Variants in ANO5 observed in about 807,000 individuals in gnomAD.
ANO5 encodes the protein anoctamin-5.
ANO5 carries 109 observed loss-of-function variants against 121.0 expected under a neutral mutation model. The ratio of observed to expected loss-of-function variants is 0.90; its 90% CI spans 0.77 to 1.06. The LOEUF (loss-of-function observed/expected upper bound fraction) is 1.06, where lower values mean the gene tolerates loss of function less well. ANO5 is among the 50% of genes least tolerant of loss of function. The probability of loss-of-function intolerance (pLI) is 0.00; values close to 1 mark genes in which losing one functional copy is unlikely to be tolerated. For synonymous variants in ANO5, 406 were observed against 359.9 expected (o/e 1.13, Z -1.45); for missense variants, 1,064 against 1,078.5 (o/e 0.99, Z 0.19).
At chr11:22,274,826 C>T in intron 20 of ANO5, 79 bp downstream of exon 20, 2 of 1,510,384 alleles carry the variant, frequency 1.3e-6, no homozygotes, top group Non-Finnish European at 1.8e-6. Flanking sequence ...ACCTTTCTGT[C>T]TTACAATATA....
In ANO5 at chr11:22,267,491, CAT is replaced by C. The variant is rs201364047; in HGVS notation, c.1899-2817_1899-2816del. On this transcript the variant is annotated intron_variant, in intron 17 of 21. Coordinates refer to ENST00000324559, the MANE Select transcript of ANO5 (RefSeq NM_213599.3). ...TGCCATATAAACACTATCTACATAC[CAT>C]ATAAATATCTACAATTATATATATA... 4.1e-3 allele frequency among the ~76,000 whole-genome samples: 564 copies of C among 138,856 alleles called. 2 individuals are homozygous for C. The highest frequency in any genetic ancestry group is 0.017 in the African/African-American group (540 of 31,498). 91.1% of individuals were successfully genotyped at this position (138,856 alleles called of 152,430 possible).
At chr11:22,267,481 A>G (rs892388769) in intron 17 of ANO5, among the ~76,000 whole-genome samples, 2 of 145,830 alleles carry the variant, frequency 1.4e-5, no homozygotes, top group Admixed American at 6.7e-5. Flanking sequence ...TATAAACACT[A>G]TCTACATACC....
Position 22,268,933 on chromosome 11 carries a change from G to A in ANO5, c.1899-1379G>A, listed in dbSNP as rs370012938. Among the ~76,000 whole-genome samples the A allele has an allele frequency of 6.6e-5, 10 of 152,170 alleles. No individual in the cohort carries two copies. In the East Asian group the frequency reaches 1.7e-3, roughly 27 times the overall value. On this transcript the variant is annotated intron_variant, in intron 17 of 21. Transcript: ENST00000324559. ...CTTGAGAGGTGGAGGCAGGAGAAAA[G>A]GTCAAGGCCGCAGTGAGCTGTGATC...
intron 7 of ANO5, among the ~76,000 whole-genome samples, chr11:22,230,925 C>T (rs1853019249): frequency 6.6e-6 from 1 of 151,922 alleles, no homozygotes; most frequent in Non-Finnish European, 1.5e-5. Flanking sequence ...AAATTATAGT[C>T]GTCATTCATG....
At chr11:22,198,637 A>C (rs751440069) in intron 1 of ANO5, among the ~76,000 whole-genome samples, 15 of 152,318 alleles carry the variant, frequency 9.8e-5, no homozygotes, top group South Asian at 2.1e-4. Flanking sequence ...TTTTGTAAAA[A>C]TAGAATTGTA....
At chr11:22,278,032 TA>T (rs1393116463) in intron 21 of ANO5, 1 of 151,718 alleles carries the variant, frequency 6.6e-6, no homozygotes, top group Non-Finnish European at 1.5e-5. Flanking sequence ...TTGTTTTTCT[TA>T]AAAAAATTTT....
intron 5 of ANO5, 128 bp from the exon 6 acceptor site, chr11:22,225,856 T>G: frequency 1.4e-6 from 1 of 692,894 alleles, no homozygotes. Context: ...ATGGAGCATT[T>G]TTATATACAA....
In ANO5 at chr11:22,274,639, C is replaced by T. The variant is rs542510120; in HGVS notation, c.2306C>T (p.Ala769Val). The T allele has an allele frequency of 1.9e-6, 3 of 1,613,328 alleles. No individual in the cohort carries two copies. In the African/African-American group the frequency reaches 4.0e-5, roughly 22 times the overall value. ...TACTACTATGCTTACTCAACAAATGCCACACAGCCTATGACAGGATATGTG... is the reference window on the plus strand; with the variant it reads ...TACTACTATGCTTACTCAACAAATGTCACACAGCCTATGACAGGATATGTG... ...LVYYYAYSTN[A>V]TQPMTGYVNN... Residue 769 changes from alanine to valine, a missense_variant, in exon 20 of 22, where the codon GCC (alanine) becomes GTC (valine). Coordinates refer to ENST00000324559, the MANE Select transcript of ANO5 (RefSeq NM_213599.3).
chr11:22,242,852 A>G (rs1417572651), intron 9 of ANO5, among the ~76,000 whole-genome samples: 2 of 152,034 alleles, frequency 1.3e-5, no homozygotes, highest in South Asian at 2.1e-4. Flanking sequence ...ACAAAGAGAG[A>G]TAGCTTTACT....
At position 22,263,027 on chromosome 11, in the gene ANO5, A is replaced by G. The variant is rs1235742290; in HGVS notation, c.1882A>G (p.Lys628Glu). The G allele has an allele frequency of 6.2e-7, 1 of 1,611,762 alleles. No homozygotes were observed. Among genetic ancestry groups the G allele is most frequent in the South Asian group, 1.1e-5 (1 of 91,046 alleles). Reference protein sequence around the residue: ...MTGKQIFGNIKEAIYPLALNW... With the variant: ...MTGKQIFGNIEEAIYPLALNW... ...CGGGAAACAGATTTTTGGAAACATT[A>G]AAGAAGCCATTTATCCGTATGTATG... Residue 628 changes from lysine to glutamate, a missense_variant, in exon 17 of 22, where the codon AAA becomes GAA. By Grantham distance (56) the Lys-to-Glu change is moderately conservative. Transcript: ENST00000324559.
rs751835794 is a variant in ANO5 at position 22,250,376 on chromosome 11, G to A, written c.1013+5G>A. Reference sequence around the variant, plus strand: ...AATGGAACATAACACAAGCAGGTAAGTGCACCTGAGTTGCCCAGATAGAGA... The same window carrying A: ...AATGGAACATAACACAAGCAGGTAAATGCACCTGAGTTGCCCAGATAGAGA... On this transcript the variant is annotated splice_donor_5th_base_variant and intron_variant, in intron 10 of 21. Coordinates refer to ENST00000324559, the MANE Select transcript of ANO5 (RefSeq NM_213599.3). 2 of 1,613,412 alleles carry A rather than the reference G, an allele frequency of 1.2e-6. No homozygotes were observed. The highest frequency in any genetic ancestry group is 2.2e-5 in the South Asian group (2 of 91,048).
intron 4 of ANO5, among the ~76,000 whole-genome samples, chr11:22,218,989 A>G (rs1030293250): frequency 6.6e-6 from 1 of 152,076 alleles, no homozygotes; most frequent in African/African-American, 2.4e-5. Context: ...ATGCACACAC[A>G]TGCTACAAAA....
Position 22,193,461 on chromosome 11 carries a change from C to T in ANO5, c.-32C>T. On this transcript the variant is annotated 5_prime_UTR_variant, in exon 1 of 22. Coordinates refer to ENST00000324559, the MANE Select transcript of ANO5 (RefSeq NM_213599.3). ...CAGCTGCCCCTCTCCTGCTGCCTCT[C>T]AGGCACCAGTGCCATTAACGAGCTG... The T allele has an allele frequency of 6.2e-7, 1 of 1,606,138 alleles. No individual in the cohort carries two copies. The highest frequency in any genetic ancestry group is 8.5e-7 in the Non-Finnish European group (1 of 1,176,894).
rs1301118954 is a variant in ANO5, at chr11:22,276,194, A to G, written c.2515A>G (p.Met839Val). 6.2e-7 allele frequency: 1 copy of G among 1,606,532 alleles called. No individual in the cohort carries two copies. The highest frequency in any genetic ancestry group is 8.5e-7 in the Non-Finnish European group (1 of 1,173,674). ...TGCCAAGATGACCTTCATCATTGTT[A>G]TGGAAGTAAGCTGTTCTTAACTTTC... ...LAAKMTFIIV[M>V]EHVVFLVKFL... The change falls in exon 21 of 22, where the codon ATG becomes GTG. Residue 839 changes from methionine (M) to valine (V), a missense_variant. Met to Val is a conservative substitution (Grantham distance 21, BLOSUM62 1). Coordinates refer to ENST00000324559, the MANE Select transcript of ANO5 (RefSeq NM_213599.3).
intron 15 of ANO5, among the ~76,000 whole-genome samples, chr11:22,260,515 T>C (rs1028954358): frequency 1.3e-5 from 2 of 152,222 alleles, no homozygotes; most frequent in Admixed American, 1.3e-4. Context: ...TTTCATTATA[T>C]ACTATCTTCA....
At chr11:22,251,929 C>G (rs1158725669) in intron 12 of ANO5, among the ~76,000 whole-genome samples, 1 of 143,638 alleles carries the variant, frequency 7.0e-6, no homozygotes, top group Non-Finnish European at 1.5e-5. Flanking sequence ...ACTTGGGAGG[C>G]TGAGGCAAGA....
chr11:22,235,749 A>G (rs1454607387), intron 7 of ANO5, among the ~76,000 whole-genome samples: 1 of 152,136 alleles, frequency 6.6e-6, no homozygotes, highest in Non-Finnish European at 1.5e-5. Flanking sequence ...CCCTTGTAAA[A>G]ATAATTAATT....
At chr11:22,208,831 T>C (rs1852196538) in intron 2 of ANO5, among the ~76,000 whole-genome samples, 1 of 151,964 alleles carries the variant, frequency 6.6e-6, no homozygotes, top group Non-Finnish European at 1.5e-5. Flanking sequence ...AAAAAGTGAA[T>C]ACAACTTATT....
chr11:22,262,147 A>G lies in ANO5; in HGVS notation c.1649A>G (p.Gln550Arg). 6.2e-7 allele frequency: 1 copy of G among 1,613,890 alleles called. No individual in the cohort carries two copies. The highest frequency in any genetic ancestry group is 1.7e-4 in the Middle Eastern group (1 of 6,028). Residue 550 changes from glutamine to arginine, a missense_variant, in exon 16 of 22, where the codon CAG becomes CGG. Physicochemically the swap from Gln to Arg is conservative, Grantham distance 43 (BLOSUM62 1). Coordinates refer to ENST00000324559, the MANE Select transcript of ANO5 (RefSeq NM_213599.3). ...ITKMEIPRTY[Q>R]EYESSLTLKM... ...TTAACAGAAATTCCTCGAACATACC[A>G]GGAGTATGAGAGCAGTCTTACCTTG...
Sources: allele counts gnomAD v4.1 joint callset (sites outside exome capture counted in the v4.1 genomes callset), GRCh38; gene constraint gnomAD v4.1.1; transcripts MANE v1.5; gene names NCBI Gene and HGNC (gene_info 2026-07-23, HGNC 2026-07-21).